The following SPATA16 variants were observed in gnomAD, a reference collection of about 807,000 sequenced individuals.
The protein encoded by SPATA16 is spermatogenesis-associated protein 16.
In SPATA16, 36 loss-of-function variants were observed where a neutral mutation model predicts 63.3. The ratio of observed to expected loss-of-function variants is 0.57; its 90% CI spans 0.44 to 0.75. The LOEUF is 0.75. Ranked by LOEUF, SPATA16 falls within the 30% of genes least tolerant of loss-of-function variation. The pLI is 0.00. For missense variants in SPATA16, 646 were observed against 679.3 expected, an observed-to-expected ratio of 0.95 and a Z score of 0.54; for synonymous variants, 203 against 216.7, an observed-to-expected ratio of 0.94 and a Z score of 0.56.
chr3:172,977,662 A>G (rs866489020), intron 4 of SPATA16, among the ~76,000 whole-genome samples: 17 of 152,254 alleles, frequency 1.1e-4, no homozygotes, highest in African/African-American at 2.9e-4. Flanking sequence ...CTATTGTGCA[A>G]TGGATATTAA....
chr3:172,925,751 G>A (rs1248924625), intron 6 of SPATA16, among the ~76,000 whole-genome samples: 8 of 151,902 alleles, frequency 5.3e-5, no homozygotes, highest in African/African-American at 9.7e-5. Context: ...ATCTTTCCTC[G>A]TCTTCAGAAT....
chr3:173,090,801 A>G (rs973669816), intron 2 of SPATA16, among the ~76,000 whole-genome samples: 4 of 152,332 alleles, frequency 2.6e-5, no homozygotes, highest in East Asian at 1.9e-4. Flanking sequence ...ACACAAGGAT[A>G]TGGTAAAAGT....
intron 6 of SPATA16, among the ~76,000 whole-genome samples, chr3:172,949,799 T>A (rs921075726): frequency 6.6e-6 from 1 of 151,888 alleles, no homozygotes. Flanking sequence ...AGAATGACAG[T>A]GGAAGAGACT....
intron 5 of SPATA16, among the ~76,000 whole-genome samples, chr3:172,966,708 A>C (rs1290969745): frequency 6.6e-6 from 1 of 152,188 alleles, no homozygotes; most frequent in African/African-American, 2.4e-5. Context: ...ATTCAAGAAA[A>C]GAGGAGAATT....
intron 4 of SPATA16, among the ~76,000 whole-genome samples, chr3:173,008,365 A>G (rs1427197641): frequency 6.6e-6 from 1 of 151,714 alleles, no homozygotes; most frequent in Non-Finnish European, 1.5e-5. Flanking sequence ...GGGGCCTTCC[A>G]TTTCTCTCTG....
At chr3:172,982,726 T>TTTAC (rs1734349628) in intron 4 of SPATA16, among the ~76,000 whole-genome samples, 1 of 152,224 alleles carries the variant, frequency 6.6e-6, no homozygotes, top group Non-Finnish European at 1.5e-5. Context: ...TATTTATTTA[T>TTTAC]TTGTAATTAA....
chr3:173,137,145 T>G (rs1419171589), intron 1 of SPATA16, among the ~76,000 whole-genome samples: 1 of 152,170 alleles, frequency 6.6e-6, no homozygotes, highest in African/African-American at 2.4e-5. Context: ...CTAAATCAGC[T>G]TATACCAGTT....
intron 1 of SPATA16, among the ~76,000 whole-genome samples, chr3:173,132,672 A>T (rs373466418): frequency 6.6e-6 from 1 of 152,202 alleles, no homozygotes; most frequent in African/African-American, 2.4e-5. Flanking sequence ...GAAGTCAAGG[A>T]TTCATGTTTA....
intron 2 of SPATA16, among the ~76,000 whole-genome samples, chr3:173,113,997 C>G (rs759045803): frequency 6.6e-6 from 1 of 151,934 alleles, no homozygotes; most frequent in Admixed American, 6.6e-5. Flanking sequence ...CTGGTCAATA[C>G]GGTGAAACCC....
intron 2 of SPATA16, among the ~76,000 whole-genome samples, chr3:173,115,359 TCCCTG>T (rs1195465686): frequency 1.3e-5 from 2 of 152,314 alleles, no homozygotes; most frequent in East Asian, 3.9e-4. Flanking sequence ...CCTTTAACCC[TCCCTG>T]CACCAGGAAA....
At chr3:172,954,624 C>T (rs1201318309) in intron 6 of SPATA16, among the ~76,000 whole-genome samples, 1 of 152,206 alleles carries the variant, frequency 6.6e-6, no homozygotes, top group Non-Finnish European at 1.5e-5. Context: ...CTAAAAATAA[C>T]ACCTGACCTT....
chr3:173,053,103 A>G (rs1736139916), intron 2 of SPATA16, among the ~76,000 whole-genome samples: 1 of 152,168 alleles, frequency 6.6e-6, no homozygotes, highest in Admixed American at 6.5e-5. Flanking sequence ...TCCCTGTAAT[A>G]CCTGCACTTT....
At chr3:172,952,402 G>A (rs904023605) in intron 6 of SPATA16, among the ~76,000 whole-genome samples, 2 of 152,166 alleles carry the variant, frequency 1.3e-5, no homozygotes, top group African/African-American at 4.8e-5. Flanking sequence ...GTATTCGGAG[G>A]GTGACCATCT....
At chr3:173,139,265 G>A (rs1170043670) in intron 1 of SPATA16, among the ~76,000 whole-genome samples, 1 of 152,066 alleles carries the variant, frequency 6.6e-6, no homozygotes, top group Non-Finnish European at 1.5e-5. Flanking sequence ...CTTTCTATTA[G>A]ACAGATGGCT....
intron 2 of SPATA16, among the ~76,000 whole-genome samples, chr3:173,088,264 TA>T (rs1294552314): frequency 1.3e-5 from 2 of 151,814 alleles, no homozygotes; most frequent in African/African-American, 2.4e-5. Context: ...TTTGTATTTT[TA>T]GTAGAGACGG....
chr3:172,981,756 T>G (rs1436678439), intron 4 of SPATA16, among the ~76,000 whole-genome samples: 2 of 152,364 alleles, frequency 1.3e-5, no homozygotes, highest in South Asian at 2.1e-4. Flanking sequence ...TTTGGTGGTG[T>G]TTATTGCTGT....
Position 172,942,597 on chromosome 3 carries a change from C to CT in SPATA16, c.1081+14079dup, listed in dbSNP as rs544769968. Among the ~76,000 whole-genome samples the CT allele has an allele frequency of 8.1e-3, 1,226 of 152,178 alleles. 59 individuals are homozygous for CT. The highest frequency in any genetic ancestry group is 1.8e-3 in the Non-Finnish European group (123 of 67,964). On this transcript the variant is annotated intron_variant, in intron 6 of 10. Transcript: ENST00000351008. ...ACAAACCTACCACTATTTTGGATTACTTTAACATCTTTTGTTTCCTATTTA... is the reference window on the plus strand; with the variant it reads ...ACAAACCTACCACTATTTTGGATTACTTTTAACATCTTTTGTTTCCTATTTA...
intron 4 of SPATA16, among the ~76,000 whole-genome samples, chr3:172,978,198 AG>A: frequency 6.6e-6 from 1 of 151,870 alleles, no homozygotes; most frequent in East Asian, 1.9e-4. Context: ...ATTGGAAAGA[AG>A]CTGCCCACTG....
In SPATA16 at chr3:172,960,141, C is replaced by T. The variant is rs191537984; in HGVS notation, c.934-3317G>A. 2.2e-4 allele frequency among the ~76,000 whole-genome samples: 33 copies of T among 151,834 alleles called. 3 individuals are homozygous for T. Among genetic ancestry groups the T allele is most frequent in the African/African-American group, 3.9e-4 (16 of 41,418 alleles). On this transcript the variant is annotated intron_variant, in intron 5 of 10. Transcript: ENST00000351008. The stretch of plus-strand genomic sequence containing the variant: ...TAATAAAAGATTTTCCTTGATTTTG[C>T]GAATAAAGGAAGAGACCAGACAAGG...
Sources: gnomAD v4.1 joint callset for allele counts (sites outside exome capture counted in the v4.1 genomes callset) on GRCh38, gnomAD v4.1.1 for gene constraint, MANE v1.5 for transcripts, NCBI Gene and HGNC (gene_info 2026-07-23, HGNC 2026-07-21) for gene names.